Variants in AHR observed in about 807,000 individuals in gnomAD.
The protein encoded by AHR is AH-receptor.
AHR carries 40 observed loss-of-function variants against 86.8 expected under a neutral mutation model. That is an observed-to-expected ratio of 0.46 (90% CI 0.36 to 0.60). The LOEUF (loss-of-function observed/expected upper bound fraction) is 0.60. Ranked by LOEUF, AHR falls within the 20% of genes least tolerant of loss-of-function variation. The pLI is 0.00. For synonymous variants in AHR, 398 were observed against 354.9 expected, an observed-to-expected ratio of 1.12 and a Z score of -1.37; for missense variants, 1,001 against 1,011.6, an observed-to-expected ratio of 0.99 and a Z score of 0.14.
chr7:17,325,781 T>C (rs562885903), intron 3 of AHR, among the ~76,000 whole-genome samples: 2 of 152,136 alleles, frequency 1.3e-5, no homozygotes, highest in East Asian at 1.9e-4. Flanking sequence ...CAACACACAC[T>C]GGGGCCGTTT....
At chr7:17,340,454 C>T (rs550821459) in intron 10 of AHR, among the ~76,000 whole-genome samples, 36 of 151,588 alleles carry the variant, frequency 2.4e-4, no homozygotes, top group Admixed American at 6.6e-4. Flanking sequence ...AGAAAGATAT[C>T]AAGGAATGAA....
In AHR at chr7:17,346,094, ATCC is replaced by A. The variant is rs1326634805; in HGVS notation, c.*3033_*3035del. 1 of 152,624 alleles carries A rather than the reference ATCC, an allele frequency of 6.6e-6. No individual in the cohort carries two copies. The highest frequency in any genetic ancestry group is 1.5e-5 in the Non-Finnish European group (1 of 67,998). The allele number at this position is 152,624 out of a possible 1,614,324, so 9.5% of individuals were successfully genotyped here. On this transcript the variant is annotated 3_prime_UTR_variant, in exon 11 of 11. Coordinates refer to ENST00000242057, the MANE Select transcript of AHR (RefSeq NM_001621.5). ...TTTTGCTTAAAGTATGATTTATAAT[ATCC>A]TCATTATCAAAGTTGTATACAATAA...
intron 2 of AHR, among the ~76,000 whole-genome samples, chr7:17,317,624 C>G (rs890343842): frequency 6.6e-6 from 1 of 152,092 alleles, no homozygotes; most frequent in Non-Finnish European, 1.5e-5. Context: ...CAAAGAATGG[C>G]ACCTCATTCT....
At chr7:17,313,569 C>T (rs1159749765) in intron 2 of AHR, among the ~76,000 whole-genome samples, 1 of 152,132 alleles carries the variant, frequency 6.6e-6, no homozygotes, top group African/African-American at 2.4e-5. Context: ...CATGACTATA[C>T]TGCTGCTGCT....
At chr7:17,338,936 A>T in intron 9 of AHR, 50 bp from the exon 10 acceptor site, 2 of 1,461,848 alleles carry the variant, frequency 1.4e-6, no homozygotes, top group Non-Finnish European at 1.8e-6. Flanking sequence ...TTTTTATTTT[A>T]AAATGTTTGA....
At chr7:17,334,228 A>G in intron 7 of AHR, 114 bp downstream of exon 7, 3 of 855,990 alleles carry the variant, frequency 3.5e-6, no homozygotes, top group Non-Finnish European at 5.4e-6. Flanking sequence ...TAGATTGGCT[A>G]TTATCGTACA....
intron 6 of AHR, 37 bp from the exon 7 acceptor site, chr7:17,333,875 T>A: frequency 6.4e-7 from 1 of 1,566,378 alleles, no homozygotes; most frequent in South Asian, 1.1e-5. Flanking sequence ...ATATTGTTAA[T>A]TTTAATGAAC....
chr7:17,299,197 C>G lies in AHR; in HGVS notation c.-68C>G. On this transcript the variant is annotated 5_prime_UTR_variant, in exon 1 of 11. Transcript: ENST00000242057. ...GCGCCGGCCGCCGCAGTGGTCCCAG[C>G]CTACACCGGGTTCCGGGGACCCGGC... 1.9e-6 allele frequency: 3 copies of G among 1,556,294 alleles called. No individual in the cohort carries two copies. The highest frequency in any genetic ancestry group is 4.8e-5 in the East Asian group (2 of 41,540).
At chr7:17,308,611 G>T (rs989401627) in intron 1 of AHR, among the ~76,000 whole-genome samples, 9 of 151,580 alleles carry the variant, frequency 5.9e-5, no homozygotes, top group Admixed American at 5.3e-4. Context: ...TATGATTAGG[G>T]GAAAATAGCT....
chr7:17,304,124 T>C (rs1408231044), intron 1 of AHR, among the ~76,000 whole-genome samples: 8 of 152,160 alleles, frequency 5.3e-5, no homozygotes, highest in Non-Finnish European at 1.2e-4. Flanking sequence ...TTAAAATGTA[T>C]TCCTATTAAA....
At chr7:17,303,901 T>C (rs1169150654) in intron 1 of AHR, among the ~76,000 whole-genome samples, 1 of 152,130 alleles carries the variant, frequency 6.6e-6, no homozygotes, top group Non-Finnish European at 1.5e-5. Context: ...TATCTTTGCA[T>C]TTTTGCTTAA....
Position 17,333,895 on chromosome 7 carries a change from G to T in AHR, c.706-17G>T, listed in dbSNP as rs1294280264. On this transcript the variant is annotated splice_polypyrimidine_tract_variant and intron_variant, in intron 6 of 10. Transcript: ENST00000242057. ...GTTAATTTTAATGAACTTTTTTGTTGTTGTTGCTTTTTTAAGGCAATGAAT... is the reference window on the plus strand; with the variant it reads ...GTTAATTTTAATGAACTTTTTTGTTTTTGTTGCTTTTTTAAGGCAATGAAT... 1.2e-6 allele frequency: 2 copies of T among 1,603,920 alleles called. No individual in the cohort carries two copies. The highest frequency in any genetic ancestry group is 1.7e-6 in the Non-Finnish European group (2 of 1,172,630).
At position 17,330,783 on chromosome 7, in the gene AHR, T is replaced by G. The variant is rs750434464; in HGVS notation, c.602T>G (p.Val201Gly). 6.2e-7 allele frequency: 1 copy of G among 1,610,308 alleles called. No homozygotes were observed. Among genetic ancestry groups the G allele is most frequent in the East Asian group, 2.2e-5 (1 of 44,844 alleles). Residue 201 changes from valine to glycine, a missense_variant, in exon 6 of 11, where the codon GTC (valine) becomes GGC (glycine). Transcript: ENST00000242057. ...GCCACTGGTCTCCCCCAGACAGTAG[T>G]CTGTTATAACCCAGACCAGATTCCT... ...EEATGLPQTV[V>G]CYNPDQIPPE...
Position 17,333,999 on chromosome 7 carries a change from T to C in AHR, c.793T>C (p.Leu265=). ...ATCAATACTTCCACCTCAGTTGGCT[T>C]TGTTTGCGATAGCTACTCCACTTCA... ...DGSILPPQLA[L]FAIATPLQPP... Residue 265 remains leucine (L), a synonymous_variant, in exon 7 of 11, where the codon TTG becomes CTG. Coordinates refer to ENST00000242057, the MANE Select transcript of AHR (RefSeq NM_001621.5). 6.2e-7 allele frequency: 1 copy of C among 1,613,498 alleles called. No homozygotes were observed. The highest frequency in any genetic ancestry group is 8.5e-7 in the Non-Finnish European group (1 of 1,179,526).
At chr7:17,338,350 T>A (rs1052056107) in intron 9 of AHR, among the ~76,000 whole-genome samples, 5 of 152,080 alleles carry the variant, frequency 3.3e-5, no homozygotes, top group Non-Finnish European at 7.4e-5. Flanking sequence ...CTAATTTTTT[T>A]ATTTTTTTAT....
chr7:17,324,966 C>T (rs1284676849), intron 3 of AHR, among the ~76,000 whole-genome samples: 1 of 152,076 alleles, frequency 6.6e-6, no homozygotes, highest in African/African-American at 2.4e-5. Context: ...CTATTTAATA[C>T]TGTATTGTTA....
At chr7:17,331,410 GAT>G (rs753193169) in intron 6 of AHR, among the ~76,000 whole-genome samples, 11 of 151,870 alleles carry the variant, frequency 7.2e-5, no homozygotes, top group Non-Finnish European at 1.3e-4. Context: ...AATTATTTCT[GAT>G]TTTGACTATC....
chr7:17,313,151 A>C (rs996686269), intron 2 of AHR, among the ~76,000 whole-genome samples: 14 of 152,096 alleles, frequency 9.2e-5, no homozygotes, highest in African/African-American at 3.1e-4. Context: ...TAATCCCCAA[A>C]TTTCCTCCAG....
In AHR at chr7:17,310,590, A is replaced by C. The variant is rs1220675399; in HGVS notation, c.253+467A>C. On this transcript the variant is annotated intron_variant, in intron 2 of 10. Transcript: ENST00000242057. ...GCTCTTGTTGCCCAGGCTCGAGTGC[A>C]ATGACACGATCTTGGCTCACTGCAA... Among the ~76,000 whole-genome samples, 6 of 149,970 alleles carry C rather than the reference A, an allele frequency of 4.0e-5. No homozygotes were observed. The East Asian group carries it at 1.2e-3, about 30-fold the overall frequency.
Sources: allele counts gnomAD v4.1 joint callset (sites outside exome capture counted in the v4.1 genomes callset), GRCh38; gene constraint gnomAD v4.1.1; transcripts MANE v1.5; gene names NCBI Gene and HGNC (gene_info 2026-07-23, HGNC 2026-07-21).